SLC7A2: variants seen among roughly 807,000 people sequenced by gnomAD.
SLC7A2 encodes the protein solute carrier family 7 member 2.
Under a neutral mutation model 58.9 loss-of-function variants are expected in SLC7A2, and 48 were observed. That is an observed-to-expected ratio of 0.82 (90% CI 0.65 to 1.04). SLC7A2 has a LOEUF of 1.04. Among genes scored for constraint, SLC7A2 ranks in the 50% least tolerant of loss-of-function variants. The pLI is 0.00. For synonymous variants in SLC7A2, 363 were observed against 314.5 expected (o/e 1.15, Z -1.63); for missense variants, 1,029 against 818.8 (o/e 1.26, Z -3.13).
At position 17,544,543 on chromosome 8, in the gene SLC7A2, A is replaced by C; in HGVS notation, c.469A>C (p.Asn157His). Reference protein sequence around the residue: ...GQFLRTYFRMNYTGLAEYPDF... With the variant: ...GQFLRTYFRMHYTGLAEYPDF... ...GTTTTTGAGGACATACTTCAGAATG[A>C]ATTACACTGGTCTTGCAGAATATCC... Residue 157 changes from asparagine (N) to histidine (H), a missense_variant, in exon 4 of 13, where the codon AAT becomes CAT. By Grantham distance (68) the Asn-to-His change is moderately conservative (BLOSUM62 1). Transcript: ENST00000494857. 1 of 1,614,016 alleles carries C rather than the reference A, an allele frequency of 6.2e-7. No individual in the cohort carries two copies. Among genetic ancestry groups the C allele is most frequent in the South Asian group, 1.1e-5 (1 of 91,072 alleles).
At chr8:17,519,544 C>A (rs1188303001) in intron 2 of SLC7A2, among the ~76,000 whole-genome samples, 1 of 152,120 alleles carries the variant, frequency 6.6e-6, no homozygotes. Context: ...TGGCCCTGTC[C>A]CTCCGGGTCA....
intron 2 of SLC7A2, among the ~76,000 whole-genome samples, chr8:17,505,053 T>A (rs1800308350): frequency 6.6e-6 from 1 of 152,006 alleles, no homozygotes; most frequent in African/African-American, 2.4e-5. Context: ...TTAAGGAAAT[T>A]AAGTGATGGA....
chr8:17,532,252 AAAAAAAAC>A lies in SLC7A2; in HGVS notation c.-22-11065_-22-11058del, dbSNP rs1373420190. 1.2e-3 allele frequency among the ~76,000 whole-genome samples: 120 copies of A among 99,092 alleles called. 7 individuals carry two copies. Among genetic ancestry groups the A allele is most frequent in the East Asian group, 9.4e-3 (22 of 2,352 alleles). 65.0% of individuals were successfully genotyped at this position (99,092 alleles called of 152,430 possible). A position where few individuals can be genotyped will look rare whatever the true frequency, so the allele number is the denominator to read the frequency against. On this transcript the variant is annotated intron_variant, in intron 2 of 12. Transcript: ENST00000494857. ...CTCAAAAAAAAAAAAAAAAAAAAAA[AAAAAAAAC>A]CCCAGCAATTCTAGGGAGGAATAAT...
upstream of SLC7A2, among the ~76,000 whole-genome samples, chr8:17,495,973 C>T (rs1288292328): frequency 1.3e-5 from 2 of 152,132 alleles, no homozygotes; most frequent in Non-Finnish European, 2.9e-5. Context: ...GGATATATGT[C>T]TTGAAGGGAA....
intron 2 of SLC7A2, among the ~76,000 whole-genome samples, chr8:17,503,439 A>C (rs982459832): frequency 2.6e-5 from 4 of 152,160 alleles, no homozygotes; most frequent in Non-Finnish European, 4.4e-5. Flanking sequence ...AATTCACTTT[A>C]TATTCACTCC....
intron 2 of SLC7A2, among the ~76,000 whole-genome samples, chr8:17,525,695 A>G (rs1264331462): frequency 6.6e-6 from 1 of 152,238 alleles, no homozygotes; most frequent in African/African-American, 2.4e-5. Flanking sequence ...GTTTGCACTC[A>G]GGGTACATTA....
intron 2 of SLC7A2, among the ~76,000 whole-genome samples, chr8:17,527,567 ACTGT>A (rs1317370389): frequency 1.3e-5 from 2 of 152,198 alleles, no homozygotes; most frequent in Admixed American, 6.5e-5. Context: ...TGGCAGCTGG[ACTGT>A]CTGTGCTCCT....
intron 2 of SLC7A2, among the ~76,000 whole-genome samples, chr8:17,526,480 G>C (rs930583989): frequency 6.6e-6 from 1 of 151,372 alleles, no homozygotes; most frequent in Non-Finnish European, 1.5e-5. Context: ...GAGTTGGTGA[G>C]AGAGAACCTC....
At chr8:17,509,113 C>T (rs1557597) in intron 2 of SLC7A2, among the ~76,000 whole-genome samples, 6,486 of 152,018 alleles carry the variant, frequency 0.043, 155 homozygotes, top group Middle Eastern at 0.068. Flanking sequence ...ATTGAAAGTT[C>T]GAGTCATCTG....
chr8:17,550,829 G>GA (rs1300958599), intron 6 of SLC7A2, among the ~76,000 whole-genome samples: 2 of 152,122 alleles, frequency 1.3e-5, no homozygotes, highest in Admixed American at 6.5e-5. Context: ...GTTAGTGGGA[G>GA]AAAAAATATT....
intron 2 of SLC7A2, among the ~76,000 whole-genome samples, chr8:17,521,622 C>T (rs892867525): frequency 5.3e-5 from 8 of 152,214 alleles, no homozygotes; most frequent in African/African-American, 1.7e-4. Context: ...AGGGACTCTT[C>T]ACAGGGAGAC....
intron 2 of SLC7A2, among the ~76,000 whole-genome samples, chr8:17,529,988 G>A (rs957949954): frequency 9.2e-5 from 14 of 152,050 alleles, no homozygotes; most frequent in African/African-American, 3.1e-4. Flanking sequence ...AACCTAATAC[G>A]TCTTGAAGGA....
At chr8:17,510,414 G>A (rs965725457) in intron 2 of SLC7A2, among the ~76,000 whole-genome samples, 2 of 152,006 alleles carry the variant, frequency 1.3e-5, no homozygotes, top group Non-Finnish European at 1.5e-5. Flanking sequence ...GCACACTGTC[G>A]TCCACAATGG....
At chr8:17,536,496 G>T (rs572132543) in intron 2 of SLC7A2, among the ~76,000 whole-genome samples, 2 of 152,060 alleles carry the variant, frequency 1.3e-5, no homozygotes, top group African/African-American at 4.8e-5. Flanking sequence ...CCCGAGAGGC[G>T]GAGGTTGCAG....
At chr8:17,554,908 A>G in intron 8 of SLC7A2, 1 of 1,610,228 alleles carries the variant, frequency 6.2e-7, no homozygotes, top group Non-Finnish European at 8.5e-7. Flanking sequence ...TAATCCTTAA[A>G]ATAACTCATG....
At position 17,551,972 on chromosome 8, in the gene SLC7A2, C is replaced by G; in HGVS notation, c.1041C>G (p.Cys347Trp). The change falls in exon 7 of 13, where the codon TGC becomes TGG. Residue 347 changes from cysteine (C) to tryptophan (W), a missense_variant. Coordinates refer to ENST00000494857, the MANE Select transcript of SLC7A2 (RefSeq NM_001370338.1). ...ATGTCGTCGCAGCTGGTTCTCTCTG[C>G]GCCTTGTCAACAAGGTACATTGCAT... ...AKYVVAAGSL[C>W]ALSTSLLGSI... 1 of 1,613,926 alleles carries G rather than the reference C, an allele frequency of 6.2e-7. No individual in the cohort carries two copies. Among genetic ancestry groups the G allele is most frequent in the Non-Finnish European group, 8.5e-7 (1 of 1,179,868 alleles).
intron 1 of SLC7A2, chr8:17,500,405 G>C (rs1462588154): frequency 6.6e-6 from 1 of 152,118 alleles, no homozygotes; most frequent in Admixed American, 6.6e-5. Context: ...TGTGGTTATG[G>C]AAATGTTGTG....
intron 7 of SLC7A2, among the ~76,000 whole-genome samples, chr8:17,552,284 A>G (rs1450640747): frequency 6.6e-6 from 1 of 152,174 alleles, no homozygotes; most frequent in African/African-American, 2.4e-5. Context: ...TGTGGCATGT[A>G]GTCATGTATA....
chr8:17,496,801 C>A (rs924814246), upstream of SLC7A2, among the ~76,000 whole-genome samples: 3 of 152,134 alleles, frequency 2.0e-5, no homozygotes, highest in Non-Finnish European at 4.4e-5. Context: ...GTTTGGTCCT[C>A]CCAGGAGAGC....
Sources: gnomAD v4.1 joint callset for allele counts (sites outside exome capture counted in the v4.1 genomes callset) on GRCh38, gnomAD v4.1.1 for gene constraint, MANE v1.5 for transcripts, NCBI Gene and HGNC (gene_info 2026-07-23, HGNC 2026-07-21) for gene names.